Variants in KIAA1958 observed in about 807,000 individuals in gnomAD.
The protein encoded by KIAA1958 is KIAA1958, also known as uncharacterized protein KIAA1958.
KIAA1958 carries 14 observed loss-of-function variants against 47.2 expected under a neutral mutation model. The observed-to-expected ratio is 0.30, with a 90% CI of 0.20 to 0.46. The LOEUF (loss-of-function observed/expected upper bound fraction) is 0.46, where lower values mean the gene tolerates loss of function less well. Among genes scored for constraint, KIAA1958 ranks in the 20% least tolerant of loss-of-function variants. The pLI, the probability that KIAA1958 is intolerant of heterozygous loss-of-function variation, is 1.00. For synonymous variants in KIAA1958, 354 were observed against 353.3 expected (o/e 1.00, Z -0.02); for missense variants, 803 against 909.2 (o/e 0.88, Z 1.50).
intron 2 of KIAA1958, among the ~76,000 whole-genome samples, chr9:112,597,635 A>G (rs1836054821): frequency 6.6e-6 from 1 of 152,098 alleles, no homozygotes; most frequent in African/African-American, 2.4e-5. Flanking sequence ...TCCAATCTCT[A>G]ACTCCTTCGT....
chr9:112,585,581 G>A lies in KIAA1958; in HGVS notation c.1171+10330G>A, dbSNP rs990140960. 2.6e-5 allele frequency among the ~76,000 whole-genome samples: 4 copies of A among 152,186 alleles called. No individual in the cohort carries two copies. The South Asian group carries it at 8.3e-4, about 32-fold the overall frequency. ...AGAAGATCACGCTGATAGTATTGGGGAAGTAGAGGCTGGGACAGGAGGGCT... is the reference window on the plus strand; with the variant it reads ...AGAAGATCACGCTGATAGTATTGGGAAAGTAGAGGCTGGGACAGGAGGGCT... On this transcript the variant is annotated intron_variant, in intron 2 of 3. Coordinates refer to ENST00000337530, the MANE Select transcript of KIAA1958 (RefSeq NM_133465.4).
chr9:112,607,590 G>A lies in KIAA1958; in HGVS notation c.1171+32339G>A, dbSNP rs79633682. On this transcript the variant is annotated intron_variant, in intron 2 of 3. Coordinates refer to ENST00000337530, the MANE Select transcript of KIAA1958 (RefSeq NM_133465.4). ...CCAACTTTGAGGGAAGTGGTCTGCC[G>A]GTGAGACAAGGCAATGGGGAGATAC... 5.6e-3 allele frequency among the ~76,000 whole-genome samples: 846 copies of A among 152,076 alleles called. 45 individuals are homozygous for A. The East Asian group carries it at 0.083, about 15-fold the overall frequency.
intron 2 of KIAA1958, among the ~76,000 whole-genome samples, chr9:112,586,806 G>A (rs565103490): frequency 8.4e-4 from 128 of 152,298 alleles, no homozygotes; most frequent in Non-Finnish European, 1.4e-3. Flanking sequence ...CTGAAGAGGT[G>A]TTGACCTTTC....
At chr9:112,537,349 C>G (rs374095902) in intron 1 of KIAA1958, among the ~76,000 whole-genome samples, 32 of 152,218 alleles carry the variant, frequency 2.1e-4, no homozygotes, top group African/African-American at 7.5e-4. Context: ...TCAAATGATC[C>G]GCCTGCCTCC....
chr9:112,575,025 C>G lies in KIAA1958; in HGVS notation c.945C>G (p.Ser315=). The G allele has an allele frequency of 6.2e-7, 1 of 1,614,116 alleles. No homozygotes were observed. The highest frequency in any genetic ancestry group is 8.5e-7 in the Non-Finnish European group (1 of 1,180,016). ...CCATGCAAATGCCTGTGAGCACATC[C>G]CATCCTAACAAACAGATCAGTATCC... The part of the protein sequence containing the change: ...QVAMQMPVST[S]HPNKQISIPL... Residue 315 remains serine (S), a synonymous_variant, in exon 2 of 4, where the codon TCC becomes TCG. Transcript: ENST00000337530.
chr9:112,487,946 C>CGTGTGTGCGT (rs1554718560), intron 1 of KIAA1958, among the ~76,000 whole-genome samples: 45 of 145,840 alleles, frequency 3.1e-4, no homozygotes, highest in Middle Eastern at 7.0e-3. Flanking sequence ...AGTGTGTGTG[C>CGTGTGTGCGT]GTGTGTGTGT....
Position 112,487,038 on chromosome 9 carries a change from C to A in KIAA1958, c.-105C>A. 1 of 209,362 alleles carries A rather than the reference C, an allele frequency of 4.8e-6. No homozygotes were observed. Among genetic ancestry groups the A allele is most frequent in the Non-Finnish European group, 9.6e-6 (1 of 103,710 alleles). The allele number at this position is 209,362 out of a possible 1,614,324, so 13.0% of individuals were successfully genotyped here. On this transcript the variant is annotated 5_prime_UTR_variant, in exon 1 of 4. Transcript: ENST00000337530. ...GCCCTCGCGCCCCTTCGGCCCGTCC[C>A]GTCCAGCCCGGGCTGCCCGGCTCTC...
chr9:112,487,580 G>GCTCT (rs1833882836), intron 1 of KIAA1958, among the ~76,000 whole-genome samples: 1 of 152,194 alleles, frequency 6.6e-6, no homozygotes, highest in South Asian at 2.1e-4. Context: ...GTGGTTCAGG[G>GCTCT]CTCTGCCCCA....
At chr9:112,496,946 G>A (rs947183797) in intron 1 of KIAA1958, among the ~76,000 whole-genome samples, 2 of 152,036 alleles carry the variant, frequency 1.3e-5, no homozygotes, top group African/African-American at 4.8e-5. Context: ...CTTATCTGTT[G>A]TCCATAGGAC....
At chr9:112,573,484 C>T (rs1370500195) in intron 1 of KIAA1958, among the ~76,000 whole-genome samples, 1 of 152,198 alleles carries the variant, frequency 6.6e-6, no homozygotes, top group Non-Finnish European at 1.5e-5. Context: ...TCGAGCCCCT[C>T]ATCCTCTCCT....
At chr9:112,650,767 G>A (rs780528918) in intron 3 of KIAA1958, among the ~76,000 whole-genome samples, 18 of 152,072 alleles carry the variant, frequency 1.2e-4, no homozygotes, top group Middle Eastern at 3.2e-3. Flanking sequence ...TTTTAAAAAA[G>A]CAAGGACCAA....
At chr9:112,524,358 C>T (rs1049305246) in intron 1 of KIAA1958, among the ~76,000 whole-genome samples, 1 of 152,186 alleles carries the variant, frequency 6.6e-6, no homozygotes, top group Non-Finnish European at 1.5e-5. Context: ...TGGCGTGCTC[C>T]GCGCTTGAAG....
intron 3 of KIAA1958, among the ~76,000 whole-genome samples, chr9:112,654,369 G>T (rs1177223661): frequency 6.6e-6 from 1 of 152,144 alleles, no homozygotes; most frequent in Non-Finnish European, 1.5e-5. Flanking sequence ...CAAGTTGTTT[G>T]AATTAGGGCC....
At chr9:112,590,782 G>C (rs1208706924) in intron 2 of KIAA1958, among the ~76,000 whole-genome samples, 1 of 152,190 alleles carries the variant, frequency 6.6e-6, no homozygotes, top group African/African-American at 2.4e-5. Context: ...GTTGGTCCTA[G>C]TGAATAAAGT....
chr9:112,505,121 T>C (rs890131842), intron 1 of KIAA1958, among the ~76,000 whole-genome samples: 22 of 152,226 alleles, frequency 1.4e-4, no homozygotes, highest in African/African-American at 5.1e-4. Context: ...TTAGCTTCCA[T>C]GTATAAGAAT....
At chr9:112,549,101 A>G (rs1410374663) in intron 1 of KIAA1958, among the ~76,000 whole-genome samples, 1 of 152,252 alleles carries the variant, frequency 6.6e-6, no homozygotes, top group Non-Finnish European at 1.5e-5. Flanking sequence ...AGCAAGCTAT[A>G]TAAACATAAT....
At chr9:112,556,828 T>C (rs2132845531) in intron 1 of KIAA1958, among the ~76,000 whole-genome samples, 1 of 152,284 alleles carries the variant, frequency 6.6e-6, no homozygotes, top group East Asian at 1.9e-4. Flanking sequence ...TGCCCTCTGT[T>C]CTTGTCAGAT....
At chr9:112,505,051 C>G (rs1281254077) in intron 1 of KIAA1958, among the ~76,000 whole-genome samples, 1 of 152,170 alleles carries the variant, frequency 6.6e-6, no homozygotes, top group Non-Finnish European at 1.5e-5. Context: ...TCCCCTCACT[C>G]AACTTTCCCA....
chr9:112,570,192 T>A (rs138080661), intron 1 of KIAA1958, among the ~76,000 whole-genome samples: 1 of 152,356 alleles, frequency 6.6e-6, no homozygotes, highest in East Asian at 1.9e-4. Context: ...TTTGTTTGTT[T>A]TTTAACATTG....
Sources: allele counts gnomAD v4.1 joint callset (sites outside exome capture counted in the v4.1 genomes callset), GRCh38; gene constraint gnomAD v4.1.1; transcripts MANE v1.5; gene names NCBI Gene and HGNC (gene_info 2026-07-23, HGNC 2026-07-21).